EMCN: variants seen among roughly 807,000 people sequenced by gnomAD.
The protein encoded by EMCN is MUC-14.
EMCN carries 37 observed loss-of-function variants against 38.4 expected under a neutral mutation model. That is an observed-to-expected ratio of 0.96 (90% CI 0.74 to 1.27). The LOEUF (loss-of-function observed/expected upper bound fraction) is 1.27, where lower values mean the gene tolerates loss of function less well. EMCN is among the 50% of genes most tolerant of loss of function. The pLI is 0.00. For missense variants in EMCN, 318 were observed against 302.8 expected (o/e 1.05, Z -0.37); for synonymous variants, 95 against 100.8 (o/e 0.94, Z 0.35).
chr4:100,471,803 A>C (rs886707713), intron 3 of EMCN, among the ~76,000 whole-genome samples: 1 of 152,054 alleles, frequency 6.6e-6, no homozygotes, highest in African/African-American at 2.4e-5. Flanking sequence ...CATATGCCAC[A>C]TTAACAAAAT....
chr4:100,475,659 CTTTTTTTTTTTTTTTTTTTT>C (rs869169290), intron 2 of EMCN, among the ~76,000 whole-genome samples: 1 of 60,314 alleles, frequency 1.7e-5, no homozygotes, highest in Non-Finnish European at 2.8e-5. Flanking sequence ...AATTCTAGTC[CTTTTTTTTTTTTTTTTTTTT>C]TTTTTTTTTT....
intron 1 of EMCN, among the ~76,000 whole-genome samples, chr4:100,504,376 G>A (rs368179282): frequency 2.6e-5 from 4 of 152,290 alleles, no homozygotes; most frequent in Admixed American, 6.5e-5. Flanking sequence ...CCATCCAGGC[G>A]CTGAGGCAAG....
In EMCN at chr4:100,434,862, G is replaced by A. The variant is rs114511640; in HGVS notation, c.416-11458C>T. ...AAAAACTCTAAATAAACTGGGTATT[G>A]AAGGAACATACCTCTAAATAATAAG... On this transcript the variant is annotated intron_variant, in intron 5 of 11. Coordinates refer to ENST00000296420, the MANE Select transcript of EMCN (RefSeq NM_016242.4). Among the ~76,000 whole-genome samples the A allele has an allele frequency of 9.9e-3, 1,500 of 152,196 alleles. 7 individuals carry two copies. Among genetic ancestry groups the A allele is most frequent in the Non-Finnish European group, 0.016 (1,120 of 67,996 alleles).
intron 4 of EMCN, among the ~76,000 whole-genome samples, chr4:100,463,703 C>T (rs1031921162): frequency 1.3e-5 from 2 of 152,088 alleles, no homozygotes; most frequent in East Asian, 3.8e-4. Context: ...CTTTCTGTCC[C>T]TATAAACTGT....
chr4:100,459,025 A>G (rs1219256712), intron 4 of EMCN, among the ~76,000 whole-genome samples: 1 of 152,062 alleles, frequency 6.6e-6, no homozygotes, highest in Non-Finnish European at 1.5e-5. Context: ...TGAAAAAAAA[A>G]TCAGTATTAA....
At chr4:100,434,535 A>G (rs1485757753) in intron 5 of EMCN, among the ~76,000 whole-genome samples, 1 of 152,196 alleles carries the variant, frequency 6.6e-6, no homozygotes, top group East Asian at 1.9e-4. Context: ...TGAGGCCAGC[A>G]TCATCCTGAT....
intron 4 of EMCN, among the ~76,000 whole-genome samples, chr4:100,453,451 G>A (rs1219280067): frequency 6.6e-6 from 1 of 152,192 alleles, no homozygotes; most frequent in Non-Finnish European, 1.5e-5. Flanking sequence ...TCAGAGAAAT[G>A]CAAATGAAAA....
chr4:100,493,915 T>C (rs1271670645), intron 1 of EMCN, among the ~76,000 whole-genome samples: 1 of 152,192 alleles, frequency 6.6e-6, no homozygotes, highest in African/African-American at 2.4e-5. Flanking sequence ...TCTTCAAACA[T>C]TGATGACTCA....
In EMCN at chr4:100,440,464, C is replaced by A. The variant is rs1306289431; in HGVS notation, c.415+7069G>T. On this transcript the variant is annotated intron_variant, in intron 5 of 11. Transcript: ENST00000296420. ...GCCTTTGCATACTCATAGCTTAGCT[C>A]CCACTTGTAAGTGAGAATATACAAT... Among the ~76,000 whole-genome samples the A allele has an allele frequency of 2.0e-5, 3 of 152,194 alleles. 1 individual carries two copies. The highest frequency in any genetic ancestry group is 4.4e-5 in the Non-Finnish European group (3 of 68,004).
At chr4:100,403,491 G>T (rs1726313898) in intron 11 of EMCN, among the ~76,000 whole-genome samples, 1 of 148,412 alleles carries the variant, frequency 6.7e-6, no homozygotes, top group African/African-American at 2.5e-5. Context: ...GGGCATCTAG[G>T]TTCATTCCAT....
In EMCN at chr4:100,410,374, T is replaced by G; in HGVS notation, c.752-19A>C. 6.2e-7 allele frequency: 1 copy of G among 1,612,622 alleles called. No individual in the cohort carries two copies. Among genetic ancestry groups the G allele is most frequent in the Non-Finnish European group, 8.5e-7 (1 of 1,178,836 alleles). On this transcript the variant is annotated intron_variant, in intron 10 of 11. Coordinates refer to ENST00000296420, the MANE Select transcript of EMCN (RefSeq NM_016242.4). ...TGCTCACCTGAGAACAGAAGATATG[T>G]TTTGATCTGTAAGCTCAGAGACTGA... is the stretch of plus-strand genomic sequence containing the variant.
At chr4:100,419,353 G>T (rs544012240) in intron 8 of EMCN, among the ~76,000 whole-genome samples, 1 of 152,156 alleles carries the variant, frequency 6.6e-6, no homozygotes, top group East Asian at 1.9e-4. Flanking sequence ...CTAATTTAAT[G>T]ATAACAGTGC....
chr4:100,493,678 T>G (rs948197400), intron 1 of EMCN, among the ~76,000 whole-genome samples: 4 of 152,260 alleles, frequency 2.6e-5, no homozygotes, highest in African/African-American at 9.6e-5. Flanking sequence ...CCTCAAATGA[T>G]GAATGCAATT....
At chr4:100,437,967 G>A (rs1727403064) in intron 5 of EMCN, among the ~76,000 whole-genome samples, 1 of 151,798 alleles carries the variant, frequency 6.6e-6, no homozygotes, top group Non-Finnish European at 1.5e-5. Flanking sequence ...GGATTGTGTT[G>A]AATATATAGA....
At chr4:100,455,180 G>T (rs960845453) in intron 4 of EMCN, among the ~76,000 whole-genome samples, 17 of 151,484 alleles carry the variant, frequency 1.1e-4, no homozygotes, top group African/African-American at 3.9e-4. Context: ...CTCCAGTATT[G>T]ATTTTACAAC....
At chr4:100,490,233 AG>A (rs1022399142) in intron 1 of EMCN, among the ~76,000 whole-genome samples, 18 of 152,140 alleles carry the variant, frequency 1.2e-4, no homozygotes, top group African/African-American at 4.3e-4. Context: ...ATATTAAAAA[AG>A]AAACTATTTT....
At chr4:100,460,827 TG>T (rs1376771840) in intron 4 of EMCN, among the ~76,000 whole-genome samples, 1 of 152,240 alleles carries the variant, frequency 6.6e-6, no homozygotes, top group Non-Finnish European at 1.5e-5. Context: ...ATTATGCTTT[TG>T]TTGCCTTTGC....
At chr4:100,496,536 A>C (rs889477263) in intron 1 of EMCN, among the ~76,000 whole-genome samples, 1 of 152,186 alleles carries the variant, frequency 6.6e-6, no homozygotes, top group Admixed American at 6.5e-5. Flanking sequence ...GATTCAATTC[A>C]ATGTTCCAAA....
At chr4:100,449,956 T>A (rs1326744914) in intron 4 of EMCN, among the ~76,000 whole-genome samples, 1 of 152,012 alleles carries the variant, frequency 6.6e-6, no homozygotes, top group Non-Finnish European at 1.5e-5. Flanking sequence ...ATAAAGTGTT[T>A]TTACATAAAT....
Sources: gnomAD v4.1 joint callset for allele counts (sites outside exome capture counted in the v4.1 genomes callset) on GRCh38, gnomAD v4.1.1 for gene constraint, MANE v1.5 for transcripts, NCBI Gene and HGNC (gene_info 2026-07-23, HGNC 2026-07-21) for gene names.